The following AFTPH variants were observed in gnomAD, a reference collection of about 807,000 sequenced individuals.
AFTPH encodes aftiphilin protein.
A neutral mutation model predicts 72.5 loss-of-function variants in AFTPH; 7 were observed. The observed-to-expected ratio is 0.10, with a 90% CI of 0.05 to 0.18. The LOEUF (loss-of-function observed/expected upper bound fraction) is 0.18, where lower values mean the gene tolerates loss of function less well. AFTPH is among the 10% of genes least tolerant of loss of function. AFTPH has a pLI of 1.00. For synonymous variants in AFTPH, 337 were observed against 370.1 expected (o/e 0.91, Z 1.03); for missense variants, 979 against 1,060.5 (o/e 0.92, Z 1.07).
In AFTPH at chr2:64,528,867, T is replaced by C. The variant is rs532245516; in HGVS notation, c.-33+4255T>C. Reference sequence around the variant, plus strand: ...GAGATGGTAAGTCATTGCAGGATTTTTGAGTAAAGGTGTAAGATAATTTAT... The same window carrying C: ...GAGATGGTAAGTCATTGCAGGATTTCTGAGTAAAGGTGTAAGATAATTTAT... On this transcript the variant is annotated intron_variant, in intron 1 of 8. Transcript: ENST00000238856. 5.5e-4 allele frequency among the ~76,000 whole-genome samples: 84 copies of C among 152,260 alleles called. 1 individual carries two copies. In the South Asian group the frequency reaches 0.017, roughly 31 times the overall value.
intron 1 of AFTPH, among the ~76,000 whole-genome samples, chr2:64,525,313 G>A (rs968633762): frequency 1.3e-5 from 2 of 152,260 alleles, no homozygotes; most frequent in Non-Finnish European, 2.9e-5. Context: ...AGAGTATGGA[G>A]TGAGGGGTGG....
intron 1 of AFTPH, among the ~76,000 whole-genome samples, chr2:64,528,090 A>G (rs993969145): frequency 7.2e-5 from 11 of 152,368 alleles, no homozygotes; most frequent in Non-Finnish European, 1.5e-4. Context: ...CTTGAAGATA[A>G]ACCTTGCAAA....
chr2:64,578,333 C>G (rs188739427), intron 6 of AFTPH, among the ~76,000 whole-genome samples: 3 of 151,986 alleles, frequency 2.0e-5, no homozygotes, highest in Admixed American at 2.0e-4. Context: ...CAAAAAAAGA[C>G]GATAACATTT....
chr2:64,570,910 TCC>T (rs1270099419), intron 5 of AFTPH, among the ~76,000 whole-genome samples: 5 of 38,594 alleles, frequency 1.3e-4, no homozygotes, highest in African/African-American at 4.1e-4. Context: ...ACTTCTTTCC[TCC>T]CCTCCCCCCC....
At chr2:64,566,003 A>T (rs1672067011) in intron 2 of AFTPH, among the ~76,000 whole-genome samples, 1 of 152,236 alleles carries the variant, frequency 6.6e-6, no homozygotes, top group Non-Finnish European at 1.5e-5. Context: ...ATCCCATTAA[A>T]AAGATAACAA....
chr2:64,587,268 G>A (rs1045406995), intron 8 of AFTPH, among the ~76,000 whole-genome samples: 1 of 152,086 alleles, frequency 6.6e-6, no homozygotes, highest in Non-Finnish European at 1.5e-5. Flanking sequence ...TGAGTTACTC[G>A]CTAGGACCTG....
At chr2:64,551,933 A>G in exon 2 of AFTPH, 2 of 1,613,588 alleles carry the variant, frequency 1.2e-6, no homozygotes, top group Non-Finnish European at 1.7e-6. Context: ...TCTCTCCAGG[A>G]GATTTTAGAA....
rs143528167 is a variant in AFTPH at position 64,563,322 on chromosome 2, C to A, written c.1936-4240C>A. ...AAACAGATGAAAATAATATATGTAC[C>A]CCCAAAAAATTTTTGAAAAACAAAT... On this transcript the variant is annotated intron_variant, in intron 2 of 8. Transcript: ENST00000238856. Among the ~76,000 whole-genome samples, 488 of 152,066 alleles carry A rather than the reference C, an allele frequency of 3.2e-3. 5 individuals carry two copies. The highest frequency in any genetic ancestry group is 0.011 in the African/African-American group (445 of 41,472).
intron 6 of AFTPH, among the ~76,000 whole-genome samples, chr2:64,577,317 T>C (rs1672883613): frequency 6.6e-6 from 1 of 151,658 alleles, no homozygotes; most frequent in Non-Finnish European, 1.5e-5. Context: ...TTAGTTTTAG[T>C]CTTTTTTTGC....
chr2:64,526,107 A>G (rs1669246535), intron 1 of AFTPH, among the ~76,000 whole-genome samples: 2 of 152,256 alleles, frequency 1.3e-5, no homozygotes, highest in African/African-American at 4.8e-5. Context: ...CTTTTGACCT[A>G]GAGACTGTTA....
chr2:64,575,735 G>A (rs1487323857), intron 6 of AFTPH, among the ~76,000 whole-genome samples: 2 of 61,234 alleles, frequency 3.3e-5, no homozygotes, highest in African/African-American at 1.9e-4. Flanking sequence ...GTGTGTGTGT[G>A]TGTGTGTATA....
chr2:64,574,894 A>G (rs1368423994), intron 6 of AFTPH, among the ~76,000 whole-genome samples: 1 of 152,204 alleles, frequency 6.6e-6, no homozygotes, highest in East Asian at 1.9e-4. Context: ...CCCACGGCAC[A>G]TTTTTATTTC....
chr2:64,570,329 A>C (rs534166180), intron 5 of AFTPH, among the ~76,000 whole-genome samples: 1 of 152,226 alleles, frequency 6.6e-6, no homozygotes, highest in African/African-American at 2.4e-5. Context: ...AAGCATTACT[A>C]TAACCGTTAA....
chr2:64,574,853 C>T (rs1040968785), intron 6 of AFTPH, among the ~76,000 whole-genome samples: 3 of 152,188 alleles, frequency 2.0e-5, no homozygotes, highest in African/African-American at 7.2e-5. Context: ...CCCAGGTCTG[C>T]CCTGTCTATG....
At chr2:64,535,101 A>G (rs1669817140) in intron 1 of AFTPH, among the ~76,000 whole-genome samples, 1 of 152,212 alleles carries the variant, frequency 6.6e-6, no homozygotes, top group East Asian at 1.9e-4. Context: ...ATATTTATAC[A>G]ACCAAATCAT....
intron 1 of AFTPH, among the ~76,000 whole-genome samples, chr2:64,528,042 G>T (rs1339086631): frequency 6.6e-6 from 1 of 152,208 alleles, no homozygotes; most frequent in Non-Finnish European, 1.5e-5. Flanking sequence ...TCCATCCTAT[G>T]GTTGTCAGTC....
chr2:64,543,198 G>A (rs991789473), intron 1 of AFTPH, among the ~76,000 whole-genome samples: 2 of 152,112 alleles, frequency 1.3e-5, no homozygotes, highest in African/African-American at 2.4e-5. Flanking sequence ...TGAAATACCT[G>A]TTCAAATATT....
chr2:64,584,858 A>C (rs1673416453), intron 7 of AFTPH, among the ~76,000 whole-genome samples: 1 of 152,104 alleles, frequency 6.6e-6, no homozygotes, highest in African/African-American at 2.4e-5. Context: ...GGCCTCCCAA[A>C]GTGCTGGGAT....
intron 7 of AFTPH, 181 bp from the exon 8 acceptor site, chr2:64,581,009 C>T: frequency 2.4e-6 from 1 of 421,136 alleles, no homozygotes; most frequent in East Asian, 4.0e-5. Flanking sequence ...TAGAAATGTC[C>T]TTAGTAATGA....
Sources: allele counts gnomAD v4.1 joint callset (sites outside exome capture counted in the v4.1 genomes callset), GRCh38; gene constraint gnomAD v4.1.1; transcripts MANE v1.5; gene names NCBI Gene and HGNC (gene_info 2026-07-23, HGNC 2026-07-21).